The following DHX57 variants were observed in gnomAD, a reference collection of about 807,000 sequenced individuals.
The protein encoded by DHX57 is putative ATP-dependent RNA helicase DHX57.
A neutral mutation model predicts 156.2 loss-of-function variants in DHX57; 105 were observed. The ratio of observed to expected loss-of-function variants is 0.67; its 90% CI spans 0.57 to 0.79. The LOEUF is 0.79. Ranked by LOEUF, DHX57 falls within the 30% of genes least tolerant of loss-of-function variation. The pLI is 0.00. For missense variants in DHX57, 1,847 were observed against 1,661.9 expected (o/e 1.11, Z -1.94); for synonymous variants, 704 against 595.6 (o/e 1.18, Z -2.65).
At chr2:38,872,164 G>A (rs1665388158) in intron 1 of DHX57, among the ~76,000 whole-genome samples, 1 of 152,050 alleles carries the variant, frequency 6.6e-6, no homozygotes, top group Non-Finnish European at 1.5e-5. Flanking sequence ...GAACTTTGGG[G>A]GTAAACATTC....
intron 11 of DHX57, among the ~76,000 whole-genome samples, chr2:38,845,745 T>C (rs1672243936): frequency 6.6e-6 from 1 of 152,172 alleles, no homozygotes; most frequent in Non-Finnish European, 1.5e-5. Flanking sequence ...TCTGTTTATA[T>C]GCAATACACA....
At chr2:38,863,639 G>T in intron 2 of DHX57, 120 bp from the exon 3 acceptor site, 1 of 885,454 alleles carries the variant, frequency 1.1e-6, no homozygotes, top group Non-Finnish European at 1.7e-6. Flanking sequence ...TACAAAAGAT[G>T]ACAATGAATG....
chr2:38,873,281 G>A (rs1006171835), intron 1 of DHX57, among the ~76,000 whole-genome samples: 8 of 152,128 alleles, frequency 5.3e-5, no homozygotes, highest in African/African-American at 1.9e-4. Context: ...GTGAGCCACT[G>A]TGCCCAGCCA....
chr2:38,818,895 CAAG>C lies in DHX57; in HGVS notation c.3450_3452del (p.Phe1150del). The stretch of plus-strand genomic sequence containing the variant: ...AACTCACCTGCAGAACTCTTCCAGA[CAAG>C]AAGTTTTGTCTGCAGTAATTATAAC... On this transcript the variant is annotated inframe_deletion, in exon 19 of 24. Coordinates refer to ENST00000457308, the MANE Select transcript of DHX57 (RefSeq NM_198963.3). The C allele has an allele frequency of 6.2e-7, 1 of 1,614,218 alleles. No individual in the cohort carries two copies. Among genetic ancestry groups the C allele is most frequent in the African/African-American group, 1.3e-5 (1 of 75,066 alleles).
intron 3 of DHX57, chr2:38,862,599 T>A: frequency 5.1e-6 from 1 of 197,436 alleles, no homozygotes; most frequent in African/African-American, 2.5e-5. Flanking sequence ...GGAATGTCCT[T>A]TTTTTTTTTT....
chr2:38,815,610 T>C lies in DHX57; in HGVS notation c.3517A>G (p.Ile1173Val). 1.2e-6 allele frequency: 2 copies of C among 1,614,148 alleles called. No homozygotes were observed. Among genetic ancestry groups the C allele is most frequent in the Non-Finnish European group, 1.7e-6 (2 of 1,180,030 alleles). ...CTGAGCCCTTCCCTTGCAAACCCTA[T>C]ATCCGATAACAGTTCCGTGAATTGT... The part of the protein sequence containing the change: ...KRQFTELLSD[I>V]GFAREGLRAR... The change falls in exon 20 of 24, where the codon ATA becomes GTA. Residue 1173 changes from isoleucine (I) to valine (V), a missense_variant. By Grantham distance (29) the Ile-to-Val change is conservative. Coordinates refer to ENST00000457308, the MANE Select transcript of DHX57 (RefSeq NM_198963.3).
intron 22 of DHX57, 40 bp downstream of exon 22, chr2:38,806,519 G>C (rs887379719): frequency 2.5e-6 from 4 of 1,602,638 alleles, no homozygotes; most frequent in Admixed American, 1.7e-5. Context: ...TCCTACCCCA[G>C]GACGACCTGT....
At chr2:38,809,892 CTTTA>C (rs766124928) in intron 21 of DHX57, among the ~76,000 whole-genome samples, 12 of 151,830 alleles carry the variant, frequency 7.9e-5, no homozygotes, top group Admixed American at 3.9e-4. Flanking sequence ...TTTATTTAGT[CTTTA>C]TTTATTTATT....
At chr2:38,811,099 A>G in intron 21 of DHX57, 1 of 564,398 alleles carries the variant, frequency 1.8e-6, no homozygotes, top group Non-Finnish European at 3.3e-6. Context: ...CCAAGATTCC[A>G]GCCTCGTGGC....
At chr2:38,833,079 A>T (rs764760318) in intron 13 of DHX57, among the ~76,000 whole-genome samples, 1 of 146,764 alleles carries the variant, frequency 6.8e-6, no homozygotes, top group Non-Finnish European at 1.5e-5. Context: ...TAAGGAGCTT[A>T]TATCCTACTG....
At chr2:38,814,699 A>G (rs920371587) in intron 20 of DHX57, among the ~76,000 whole-genome samples, 3 of 150,946 alleles carry the variant, frequency 2.0e-5, no homozygotes, top group Non-Finnish European at 4.4e-5. Context: ...AAAAACCAAA[A>G]ACAACAGCAA....
At chr2:38,857,227 G>T (rs1395610974) in intron 6 of DHX57, 1 of 153,112 alleles carries the variant, frequency 6.5e-6, no homozygotes, top group African/African-American at 2.4e-5. Flanking sequence ...ATGGGTAGGG[G>T]CTACCATATC....
At chr2:38,862,574 G>T in intron 3 of DHX57, 1 of 308,140 alleles carries the variant, frequency 3.2e-6, no homozygotes, top group Non-Finnish European at 5.8e-6. Context: ...CCCAATAACT[G>T]TACCAAATAC....
rs750766841 is a variant in DHX57 at position 38,868,425 on chromosome 2, AAATT to A, written c.-6-18_-6-15del. 3 of 1,609,084 alleles carry A rather than the reference AAATT, an allele frequency of 1.9e-6. No homozygotes were observed. The African/African-American group carries it at 4.0e-5, about 21-fold the overall frequency. On this transcript the variant is annotated splice_polypyrimidine_tract_variant and intron_variant, in intron 1 of 23. Transcript: ENST00000457308. ...ACTCATTTTCACCTGCAAGAGAAAA[AAATT>A]AATGTAGACATCATAAAACCAGACA...
At chr2:38,835,616 G>A (rs1671610367) in intron 13 of DHX57, among the ~76,000 whole-genome samples, 1 of 152,104 alleles carries the variant, frequency 6.6e-6, no homozygotes, top group Non-Finnish European at 1.5e-5. Flanking sequence ...AGTTCATGAG[G>A]ACCTTTAAGG....
At position 38,798,270 on chromosome 2, in the gene DHX57, G is replaced by A. The variant is rs940697235; in HGVS notation, c.*29C>T. On this transcript the variant is annotated 3_prime_UTR_variant, in exon 24 of 24. Coordinates refer to ENST00000457308, the MANE Select transcript of DHX57 (RefSeq NM_198963.3). ...TTTCCCAGGTGAGCTAGAAGCAGGT[G>A]AGTAGCAAGCACTCTCTAAGACTGC... 1.9e-6 allele frequency: 3 copies of A among 1,595,892 alleles called. No individual in the cohort carries two copies. Among genetic ancestry groups the A allele is most frequent in the African/African-American group, 1.3e-5 (1 of 74,264 alleles).
intron 19 of DHX57, 98 bp from the exon 20 acceptor site, chr2:38,815,753 G>C: frequency 1.4e-6 from 2 of 1,469,902 alleles, no homozygotes; most frequent in African/African-American, 1.4e-5. Flanking sequence ...TATTTCAGGG[G>C]GTAGCAATGA....
At chr2:38,837,352 A>T (rs3112154) in intron 13 of DHX57, among the ~76,000 whole-genome samples, 136,242 of 151,908 alleles carry the variant, frequency 0.9, 63,013 homozygotes, top group Non-Finnish European at 1. Context: ...GGCTCACGCC[A>T]ATAATCCCAG....
chr2:38,807,459 G>A (rs926212227), intron 21 of DHX57, among the ~76,000 whole-genome samples: 3 of 151,976 alleles, frequency 2.0e-5, no homozygotes, highest in South Asian at 2.1e-4. Flanking sequence ...CCGGGTTCAC[G>A]CCATTCTCCT....
Sources: allele counts gnomAD v4.1 joint callset (sites outside exome capture counted in the v4.1 genomes callset), GRCh38; gene constraint gnomAD v4.1.1; transcripts MANE v1.5; gene names NCBI Gene and HGNC (gene_info 2026-07-23, HGNC 2026-07-21).